The following CCT8 variants were observed in gnomAD, a reference collection of about 807,000 sequenced individuals.
CCT8 encodes T-complex protein 1 subunit theta.
In CCT8, 10 loss-of-function variants were observed where a neutral mutation model predicts 65.7. That is an observed-to-expected ratio of 0.15 (90% CI 0.09 to 0.26). The LOEUF (loss-of-function observed/expected upper bound fraction) is 0.26, where lower values mean the gene tolerates loss of function less well. Among genes scored for constraint, CCT8 ranks in the 10% least tolerant of loss-of-function variants. The pLI is 1.00. For missense variants in CCT8, 568 were observed against 669.1 expected (o/e 0.85, Z 1.67); for synonymous variants, 199 against 221.8 (o/e 0.90, Z 0.92).
chr21:29,057,966 T>A (rs1389584171), intron 14 of CCT8: 1 of 151,834 alleles, frequency 6.6e-6, no homozygotes, highest in African/African-American at 2.4e-5. Context: ...GGTGAGCTGA[T>A]TATGATTGTG....
rs191263186 is a variant in CCT8, at chr21:29,056,450, A to G, written c.*25T>C. 27 of 1,349,630 alleles carry G rather than the reference A, an allele frequency of 2.0e-5. No individual in the cohort carries two copies. The African/African-American group carries it at 3.5e-4, about 18-fold the overall frequency. 83.6% of individuals were successfully genotyped at this position (1,349,630 alleles called of 1,614,324 possible). The stretch of plus-strand genomic sequence containing the variant: ...GAGTACTACTACAAATACAGCCTTC[A>G]CCTACAGTAAAAATTAAGCCAATTT... On this transcript the variant is annotated 3_prime_UTR_variant, in exon 15 of 15. Coordinates refer to ENST00000286788, the MANE Select transcript of CCT8 (RefSeq NM_006585.4).
chr21:29,056,415 G>C lies in CCT8; in HGVS notation c.*60C>G, dbSNP rs75832146. On this transcript the variant is annotated 3_prime_UTR_variant, in exon 15 of 15. Transcript: ENST00000286788. Reference sequence around the variant, plus strand: ...ATTTAAGGAGAATAAGAAAACATCAGGTGATTCTTGAGTACTACTACAAAT... The same window carrying C: ...ATTTAAGGAGAATAAGAAAACATCACGTGATTCTTGAGTACTACTACAAAT... The C allele has an allele frequency of 6.5e-5, 55 of 841,366 alleles. No individual in the cohort carries two copies. The African/African-American group carries it at 9.0e-4, about 14-fold the overall frequency. The allele number at this position is 841,366 out of a possible 1,614,324, so 52.1% of individuals were successfully genotyped here. A position where few individuals can be genotyped will look rare whatever the true frequency, so the allele number is the denominator to read the frequency against.
chr21:29,073,276 G>A (rs1246017653), intron 1 of CCT8: 14 of 1,312,188 alleles, frequency 1.1e-5, no homozygotes, highest in East Asian at 3.0e-5. Flanking sequence ...CTTCACATCC[G>A]TCCACCTTCA....
chr21:29,061,822 C>T (rs2085567374), intron 11 of CCT8, among the ~76,000 whole-genome samples: 1 of 152,154 alleles, frequency 6.6e-6, no homozygotes, highest in South Asian at 2.1e-4. Context: ...TTTTGCATAT[C>T]CACAGATATA....
chr21:29,067,940 T>C (rs2085641787), intron 3 of CCT8, among the ~76,000 whole-genome samples: 1 of 152,196 alleles, frequency 6.6e-6, no homozygotes, highest in Admixed American at 6.5e-5. Flanking sequence ...TGCATCCTCT[T>C]TTGGTGGCCT....
intron 3 of CCT8, among the ~76,000 whole-genome samples, chr21:29,069,009 A>G (rs1694287249): frequency 6.6e-6 from 1 of 152,212 alleles, no homozygotes; most frequent in African/African-American, 2.4e-5. Context: ...TAGTAAAACT[A>G]AAGCTGAACA....
At chr21:29,061,159 C>T (rs1189379508) in intron 13 of CCT8, 94 bp downstream of exon 13, 1 of 1,006,606 alleles carries the variant, frequency 9.9e-7, no homozygotes, top group African/African-American at 1.6e-5. Flanking sequence ...AATCAGAACA[C>T]TGTTTCTCAT....
intron 14 of CCT8, chr21:29,059,358 CCAA>C: frequency 6.6e-6 from 1 of 152,280 alleles, no homozygotes; most frequent in Admixed American, 6.5e-5. Flanking sequence ...AACAGATCAA[CCAA>C]CAACTTCCCC....
intron 14 of CCT8, among the ~76,000 whole-genome samples, chr21:29,057,654 ATAT>A (rs987773774): frequency 5.4e-4 from 67 of 124,584 alleles, no homozygotes; most frequent in African/African-American, 1.6e-3. Flanking sequence ...TTGATAATAT[ATAT>A]ATGATATATG....
Position 29,062,496 on chromosome 21 carries a change from A to T in CCT8, c.1002T>A (p.Pro334=), listed in dbSNP as rs1455056277. 6.2e-6 allele frequency: 10 copies of T among 1,613,796 alleles called. No homozygotes were observed. Among genetic ancestry groups the T allele is most frequent in the Non-Finnish European group, 8.5e-6 (10 of 1,179,714 alleles). ...TGTTTTCCAAAATACATACCAATCTAGGAAGAGCTGTAGCACCAACAGTTT... is the reference window on the plus strand; with the variant it reads ...TGTTTTCCAAAATACATACCAATCTTGGAAGAGCTGTAGCACCAACAGTTT... ...LCKTVGATAL[P]RLTPPVLEEM... is the part of the protein sequence containing the mutation. The change falls in exon 9 of 15, where the codon CCT becomes CCA. Residue 334 remains proline (P), a synonymous_variant. Transcript: ENST00000286788.
chr21:29,062,606 G>A, intron 8 of CCT8, 50 bp from the exon 9 acceptor site: 3 of 1,457,194 alleles, frequency 2.1e-6, no homozygotes, highest in Non-Finnish European at 2.9e-6. Flanking sequence ...ATTTCAGATA[G>A]CATATAAAGT....
At chr21:29,061,601 A>G in intron 11 of CCT8, 34 bp from the exon 12 acceptor site, 2 of 1,590,638 alleles carry the variant, frequency 1.3e-6, no homozygotes, top group Non-Finnish European at 1.7e-6. Flanking sequence ...AAAAAAATGA[A>G]CACAAAACAA....
chr21:29,060,907 T>C (rs538828690), intron 13 of CCT8, among the ~76,000 whole-genome samples: 2 of 152,336 alleles, frequency 1.3e-5, no homozygotes, highest in East Asian at 3.9e-4. Flanking sequence ...GCACATCCTC[T>C]CATATACTTT....
rs531908867 is a variant in CCT8, at chr21:29,069,317, A to G, written c.231+106T>C. On this transcript the variant is annotated intron_variant, in intron 3 of 14. Coordinates refer to ENST00000286788, the MANE Select transcript of CCT8 (RefSeq NM_006585.4). ...CTGTACAATAAATTTTCAAGCTGGAAAAATAGTCCCTTATCCAATCTGAAA... is the reference window on the plus strand; with the variant it reads ...CTGTACAATAAATTTTCAAGCTGGAGAAATAGTCCCTTATCCAATCTGAAA... 104 of 570,920 alleles carry G rather than the reference A, an allele frequency of 1.8e-4. 1 individual carries two copies. In the South Asian group the frequency reaches 3.0e-3, roughly 16 times the overall value. The allele number at this position is 570,920 out of a possible 1,614,324, so 35.4% of individuals were successfully genotyped here.
chr21:29,071,546 CCA>C (rs1355862284), intron 1 of CCT8, among the ~76,000 whole-genome samples: 1 of 151,768 alleles, frequency 6.6e-6, no homozygotes, highest in Non-Finnish European at 1.5e-5. Flanking sequence ...GAGGTGCGCG[CCA>C]CACCAGGTTG....
chr21:29,068,331 TTTAA>T (rs1179373537), intron 3 of CCT8, among the ~76,000 whole-genome samples: 2 of 152,226 alleles, frequency 1.3e-5, no homozygotes. Context: ...ACCACTGTAC[TTTAA>T]TAACTCCTGA....
Position 29,073,648 on chromosome 21 carries a change from G to C in CCT8, c.-58C>G. On this transcript the variant is annotated 5_prime_UTR_variant, in exon 1 of 15. Coordinates refer to ENST00000286788, the MANE Select transcript of CCT8 (RefSeq NM_006585.4). The stretch of plus-strand genomic sequence containing the variant: ...CTCGGAAGACCGCGGAGGAAGCGAG[G>C]AGCACGCACAGCCTTCTGGGAAAGC... 6.6e-7 allele frequency: 1 copy of C among 1,517,228 alleles called. No homozygotes were observed. 94.0% of individuals were successfully genotyped at this position (1,517,228 alleles called of 1,614,324 possible). A position where few individuals can be genotyped will look rare whatever the true frequency, so the allele number is the denominator to read the frequency against.
chr21:29,060,583 T>G lies in CCT8; in HGVS notation c.1527A>C (p.Lys509Asn), dbSNP rs1311732542. Residue 509 changes from lysine to asparagine, a missense_variant, in exon 14 of 15, where the codon AAA becomes AAC. Physicochemically the swap from Lys to Asn is moderately conservative, Grantham distance 94. Transcript: ENST00000286788. Reference protein sequence around the residue: ...DTYLGKYWAIKLATNAAVTVL... With the variant: ...DTYLGKYWAINLATNAAVTVL... Reference sequence around the variant, plus strand: ...CAGTGACTGCAGCATTAGTAGCGAGTTTGATAGCCCAATATTTTCCCAGGT... The same window carrying G: ...CAGTGACTGCAGCATTAGTAGCGAGGTTGATAGCCCAATATTTTCCCAGGT... 2 of 1,613,906 alleles carry G rather than the reference T, an allele frequency of 1.2e-6. No homozygotes were observed. The highest frequency in any genetic ancestry group is 2.2e-5 in the South Asian group (2 of 91,072).
chr21:29,061,669 A>C, intron 11 of CCT8, 102 bp from the exon 12 acceptor site: 2 of 1,142,054 alleles, frequency 1.8e-6, no homozygotes, highest in Non-Finnish European at 2.5e-6. Context: ...TACCCCACCA[A>C]ACAGGAGTTT....
Sources: allele counts gnomAD v4.1 joint callset (sites outside exome capture counted in the v4.1 genomes callset), GRCh38; gene constraint gnomAD v4.1.1; transcripts MANE v1.5; gene names NCBI Gene and HGNC (gene_info 2026-07-23, HGNC 2026-07-21).